CDH8: variants seen among roughly 807,000 people sequenced by gnomAD.
The protein encoded by CDH8 is cadherin-8.
Under a neutral mutation model 68.1 loss-of-function variants are expected in CDH8, and 17 were observed. The observed-to-expected ratio is 0.25, with a 90% CI of 0.17 to 0.37. CDH8 has a LOEUF of 0.37. Ranked by LOEUF, CDH8 falls within the 10% of genes least tolerant of loss-of-function variation. The pLI is 1.00. For synonymous variants in CDH8, 372 were observed against 365.1 expected (o/e 1.02, Z -0.21); for missense variants, 763 against 999.3 (o/e 0.76, Z 3.19).
intron 9 of CDH8, chr16:61,726,236 G>C (rs1289057833): frequency 6.6e-6 from 1 of 150,974 alleles, no homozygotes; most frequent in East Asian, 1.9e-4. Flanking sequence ...AAATTAGGAA[G>C]TTGAAAAATG....
intron 11 of CDH8, 135 bp from the exon 12 acceptor site, chr16:61,654,236 A>T (rs556225975): frequency 1.4e-6 from 1 of 709,862 alleles, no homozygotes; most frequent in Admixed American, 3.0e-5. Flanking sequence ...TTTACTAGAA[A>T]ATTAAGCTAA....
In CDH8 at chr16:61,820,840, C is replaced by T. The variant is rs1280667809; in HGVS notation, c.1023+86G>A. The T allele has an allele frequency of 1.3e-5, 15 of 1,141,342 alleles. No homozygotes were observed. In the East Asian group the frequency reaches 1.4e-4, roughly 11 times the overall value. The allele number at this position is 1,141,342 out of a possible 1,614,324, so 70.7% of individuals were successfully genotyped here. A position where few individuals can be genotyped will look rare whatever the true frequency, so the allele number is the denominator to read the frequency against. On this transcript the variant is annotated intron_variant, in intron 6 of 11. Transcript: ENST00000577390. ...AACACCTACCAGCTGTGCAATTCTGCCAGGAACTCCACACAAGTCCCTCAA... is the reference window on the plus strand; with the variant it reads ...AACACCTACCAGCTGTGCAATTCTGTCAGGAACTCCACACAAGTCCCTCAA...
In CDH8 at chr16:61,759,041, T is replaced by C. The variant is rs117492076; in HGVS notation, c.1414+30305A>G. On this transcript the variant is annotated intron_variant, in intron 8 of 11. Coordinates refer to ENST00000577390, the MANE Select transcript of CDH8 (RefSeq NM_001796.5). Reference sequence around the variant, plus strand: ...AAATGGGCTAAGGATAGGGTATGTCTCATAGACCCTCTACTAAGAATCGTA... The same window carrying C: ...AAATGGGCTAAGGATAGGGTATGTCCCATAGACCCTCTACTAAGAATCGTA... Among the ~76,000 whole-genome samples the C allele has an allele frequency of 2.5e-3, 379 of 152,264 alleles. 2 individuals are homozygous for C. The highest frequency in any genetic ancestry group is 4.1e-3 in the Non-Finnish European group (278 of 68,014).
chr16:61,700,114 T>C (rs1030057083), intron 10 of CDH8, among the ~76,000 whole-genome samples: 22 of 152,182 alleles, frequency 1.4e-4, no homozygotes, highest in African/African-American at 4.6e-4. Flanking sequence ...TTTGATGGCA[T>C]TAAAATATTA....
intron 10 of CDH8, among the ~76,000 whole-genome samples, chr16:61,701,646 A>G (rs930469907): frequency 7.9e-5 from 12 of 152,198 alleles, no homozygotes; most frequent in African/African-American, 2.7e-4. Context: ...AATTTATTTC[A>G]GTGAGTTTCA....
intron 10 of CDH8, among the ~76,000 whole-genome samples, chr16:61,671,313 T>A (rs1414619275): frequency 6.6e-6 from 1 of 151,942 alleles, no homozygotes; most frequent in Non-Finnish European, 1.5e-5. Flanking sequence ...CCCTTAGGTG[T>A]TAGCAGTGGT....
intron 8 of CDH8, among the ~76,000 whole-genome samples, chr16:61,763,349 C>T (rs1342363505): frequency 6.6e-6 from 1 of 152,184 alleles, no homozygotes. Flanking sequence ...GAACACTAAG[C>T]TCATAACAGG....
chr16:61,892,999 C>T (rs1265345096), intron 3 of CDH8, among the ~76,000 whole-genome samples: 1 of 152,106 alleles, frequency 6.6e-6, no homozygotes, highest in African/African-American at 2.4e-5. Flanking sequence ...CCTGGGCTGC[C>T]ATGACAAATT....
chr16:61,679,688 T>C (rs1254903099), intron 10 of CDH8, among the ~76,000 whole-genome samples: 1 of 152,002 alleles, frequency 6.6e-6, no homozygotes, highest in East Asian at 1.9e-4. Context: ...CCAAATTCCT[T>C]TGAAACTGTA....
intron 8 of CDH8, among the ~76,000 whole-genome samples, chr16:61,764,419 C>T (rs766285909): frequency 3.9e-5 from 6 of 152,130 alleles, no homozygotes; most frequent in South Asian, 2.1e-4. Context: ...CAAATGTACT[C>T]AGTTTCCCGT....
At chr16:61,788,088 TA>T (rs34586856) in intron 8 of CDH8, among the ~76,000 whole-genome samples, 7,926 of 132,858 alleles carry the variant, frequency 0.06, 442 homozygotes, top group East Asian at 0.25. Context: ...TAAAGTATAA[TA>T]AAAAAAAAAA....
At chr16:61,660,167 T>A (rs1319473640) in intron 10 of CDH8, among the ~76,000 whole-genome samples, 3 of 151,992 alleles carry the variant, frequency 2.0e-5, no homozygotes, top group African/African-American at 7.3e-5. Context: ...GCAAATAAAA[T>A]AAGCCTTCAG....
chr16:61,671,197 A>G (rs1963785750), intron 10 of CDH8, among the ~76,000 whole-genome samples: 2 of 152,130 alleles, frequency 1.3e-5, no homozygotes, highest in African/African-American at 2.4e-5. Context: ...TCAACTAAAT[A>G]AGAATTTCTG....
intron 5 of CDH8, among the ~76,000 whole-genome samples, chr16:61,824,481 C>A (rs1196627683): frequency 1.3e-5 from 2 of 151,950 alleles, no homozygotes; most frequent in East Asian, 1.9e-4. Flanking sequence ...CTGATTCTTT[C>A]ATGTTGGCTG....
chr16:61,823,637 G>A (rs141075088), intron 5 of CDH8, among the ~76,000 whole-genome samples: 4 of 151,922 alleles, frequency 2.6e-5, no homozygotes, highest in South Asian at 2.1e-4. Flanking sequence ...TTTCAGTTTC[G>A]CTGGAACCAC....
intron 2 of CDH8, chr16:61,918,546 G>GGGGTGACAGACGGCACCTGGAAAATC (rs1324975082): frequency 5.9e-5 from 9 of 153,078 alleles, no homozygotes; most frequent in African/African-American, 2.2e-4. Flanking sequence ...GTCAAAGAAA[G>GGGGTGACAGACGGCACCTGGAAAATC]GGGTGACAGA....
rs79282354 is a variant in CDH8, at chr16:61,741,932, G to A, written c.1415-14717C>T. Among the ~76,000 whole-genome samples, 14 of 152,174 alleles carry A rather than the reference G, an allele frequency of 9.2e-5. No homozygotes were observed. The East Asian group carries it at 1.5e-3, about 17-fold the overall frequency. On this transcript the variant is annotated intron_variant, in intron 8 of 11. Coordinates refer to ENST00000577390, the MANE Select transcript of CDH8 (RefSeq NM_001796.5). ...AGAAATTTTGGAATGTATTGATACT[G>A]CTTAGATTCTACAGATAAATTTAGA...
Position 62,021,315 on chromosome 16 carries a change from G to T in CDH8, c.89C>A (p.Ala30Asp). 1 of 1,614,012 alleles carries T rather than the reference G, an allele frequency of 6.2e-7. No homozygotes were observed. Among genetic ancestry groups the T allele is most frequent in the Non-Finnish European group, 8.5e-7 (1 of 1,179,942 alleles). The stretch of plus-strand genomic sequence containing the variant: ...TAAAACTTGAGACTGATTCATCGGA[G>T]CCATGTAAATGCAAGGGGGAAGAGT... ...WITLPPCIYM[A>D]PMNQSQVLMS... Residue 30 changes from alanine to aspartate, a missense_variant, in exon 2 of 12, where the codon GCT becomes GAT. Around this residue, in one of 2 missense-constraint regions of CDH8, gnomAD observed 366 missense variants for 563.1 expected, o/e 0.65. Coordinates refer to ENST00000577390, the MANE Select transcript of CDH8 (RefSeq NM_001796.5).
chr16:61,996,020 G>A (rs1182196657), intron 2 of CDH8, among the ~76,000 whole-genome samples: 8 of 152,122 alleles, frequency 5.3e-5, no homozygotes, highest in African/African-American at 1.7e-4. Context: ...AAGATAGTCC[G>A]GTTAGGCAGC....
Sources: gnomAD v4.1 joint callset for allele counts (sites outside exome capture counted in the v4.1 genomes callset) on GRCh38, gnomAD v4.1.1 for gene constraint, gnomAD v4.1.1 regional missense constraint, MANE v1.5 for transcripts, NCBI Gene and HGNC (gene_info 2026-07-23, HGNC 2026-07-21) for gene names.